The following BPTF variants were observed in gnomAD, a reference collection of about 807,000 sequenced individuals.
BPTF encodes the protein bromodomain PHD finger transcription factor.
Under a neutral mutation model 292.5 loss-of-function variants are expected in BPTF, and 18 were observed. The ratio of observed to expected loss-of-function variants is 0.06; its 90% CI spans 0.04 to 0.09. The LOEUF is 0.09. Ranked by LOEUF, BPTF falls within the 10% of genes least tolerant of loss-of-function variation. The probability of loss-of-function intolerance (pLI) is 1.00; values close to 1 mark genes in which losing one functional copy is unlikely to be tolerated. For synonymous variants in BPTF, 1,225 were observed against 1,251.9 expected (o/e 0.98, Z 0.45); for missense variants, 2,726 against 3,498.7 (o/e 0.78, Z 5.57).
At position 67,959,652 on chromosome 17, in the gene BPTF, C is replaced by T; in HGVS notation, c.8038C>T (p.Pro2680Ser). 1.2e-6 allele frequency: 2 copies of T among 1,609,608 alleles called. No individual in the cohort carries two copies. The highest frequency in any genetic ancestry group is 8.5e-7 in the Non-Finnish European group (1 of 1,178,114). ...CPPVTPAPPA[P>S]PAPPPSPPPP... is the part of the protein sequence containing the mutation. ...CCCAGTGACACCAGCTCCTCCAGCCCCTCCAGCCCCTCCACCTTCACCTCC... is the reference window on the plus strand; with the variant it reads ...CCCAGTGACACCAGCTCCTCCAGCCTCTCCAGCCCCTCCACCTTCACCTCC... Residue 2680 changes from proline (P) to serine (S), a missense_variant, in exon 24 of 28, where the codon CCT becomes TCT. Physicochemically the swap from Pro to Ser is moderately conservative, Grantham distance 74. Coordinates refer to ENST00000306378, the MANE Select transcript of BPTF (RefSeq NM_182641.4).
At chr17:67,871,314 C>T (rs986426411) in intron 3 of BPTF, among the ~76,000 whole-genome samples, 15 of 151,702 alleles carry the variant, frequency 9.9e-5, no homozygotes, top group African/African-American at 3.6e-4. Flanking sequence ...TGGTGGTGCA[C>T]GCCTGCAATC....
chr17:67,895,094 GT>G (rs2061352596), intron 7 of BPTF, among the ~76,000 whole-genome samples: 1 of 152,064 alleles, frequency 6.6e-6, no homozygotes, highest in Non-Finnish European at 1.5e-5. Flanking sequence ...TAGCCCTATA[GT>G]TTTTAAAATA....
intron 1 of BPTF, among the ~76,000 whole-genome samples, chr17:67,829,900 G>A (rs1034287334): frequency 1.3e-5 from 2 of 152,204 alleles, no homozygotes; most frequent in Non-Finnish European, 2.9e-5. Context: ...AAAGACATTA[G>A]TTGACATTAC....
chr17:67,886,883 C>T (rs1269035510), intron 4 of BPTF, among the ~76,000 whole-genome samples: 1 of 152,090 alleles, frequency 6.6e-6, no homozygotes, highest in Non-Finnish European at 1.5e-5. Flanking sequence ...TACTATTTCT[C>T]TATTAATGGA....
chr17:67,852,177 A>G (rs2058447226), intron 1 of BPTF, among the ~76,000 whole-genome samples: 1 of 152,136 alleles, frequency 6.6e-6, no homozygotes, highest in Non-Finnish European at 1.5e-5. Context: ...ATTTAGTATA[A>G]TGACGTTGTA....
chr17:67,981,530 A>G, intron 27 of BPTF: 8 of 1,113,964 alleles, frequency 7.2e-6, no homozygotes, highest in Non-Finnish European at 8.9e-6. Flanking sequence ...ACCTAATTCA[A>G]AATTGCCCCC....
chr17:67,872,673 T>C (rs1438675687), intron 3 of BPTF, among the ~76,000 whole-genome samples: 1 of 151,800 alleles, frequency 6.6e-6, no homozygotes, highest in Non-Finnish European at 1.5e-5. Context: ...GCCACTGCAC[T>C]CCAGCCTGGG....
chr17:67,878,882 A>T (rs62084249), intron 4 of BPTF, among the ~76,000 whole-genome samples: 8 of 151,980 alleles, frequency 5.3e-5, no homozygotes, highest in African/African-American at 1.7e-4. Context: ...ACCTAATCTC[A>T]TGTTCCTGGG....
chr17:67,921,621 C>T (rs531351972), intron 13 of BPTF, among the ~76,000 whole-genome samples: 107 of 152,264 alleles, frequency 7.0e-4, no homozygotes, highest in African/African-American at 2.5e-3. Flanking sequence ...CAAATGTATA[C>T]AATTAATTTT....
At chr17:67,831,752 C>T (rs1311376111) in intron 1 of BPTF, among the ~76,000 whole-genome samples, 1 of 152,136 alleles carries the variant, frequency 6.6e-6, no homozygotes, top group East Asian at 1.9e-4. Context: ...CCTTCCTGCT[C>T]CTTAGCCAGG....
intron 19 of BPTF, among the ~76,000 whole-genome samples, chr17:67,941,613 T>A (rs1555671989): frequency 6.6e-6 from 1 of 152,174 alleles, no homozygotes; most frequent in African/African-American, 2.4e-5. Flanking sequence ...TTGCAGATCA[T>A]TGAGGAAGAG....
intron 7 of BPTF, among the ~76,000 whole-genome samples, chr17:67,896,524 A>G: frequency 6.6e-6 from 1 of 152,238 alleles, no homozygotes; most frequent in Non-Finnish European, 1.5e-5. Context: ...TTAAAAAGAA[A>G]AAACAGTTCC....
intron 9 of BPTF, among the ~76,000 whole-genome samples, chr17:67,908,098 A>ATG (rs746362525): frequency 2.0e-4 from 31 of 152,304 alleles, no homozygotes; most frequent in Non-Finnish European, 3.5e-4. Flanking sequence ...AACCACTGAT[A>ATG]TGGGCTTTCT....
chr17:67,860,984 C>T (rs942742115), intron 2 of BPTF, among the ~76,000 whole-genome samples: 6 of 152,220 alleles, frequency 3.9e-5, no homozygotes, highest in Non-Finnish European at 5.9e-5. Context: ...CTTCCCGTGC[C>T]TGAATTCCTT....
chr17:67,855,259 C>T lies in BPTF; in HGVS notation c.1436+497C>T, dbSNP rs185740750. Reference sequence around the variant, plus strand: ...GGGGCTGCAGTGAGCTGAGATCACACCACTGCATTCCAGCCTGGGTGACAG... The same window carrying T: ...GGGGCTGCAGTGAGCTGAGATCACATCACTGCATTCCAGCCTGGGTGACAG... On this transcript the variant is annotated intron_variant, in intron 2 of 27. Coordinates refer to ENST00000306378, the MANE Select transcript of BPTF (RefSeq NM_182641.4). Among the ~76,000 whole-genome samples the T allele has an allele frequency of 2.6e-5, 4 of 152,220 alleles. No individual in the cohort carries two copies. The East Asian group carries it at 7.7e-4, about 29-fold the overall frequency.
chr17:67,877,013 C>T (rs1470535196), intron 4 of BPTF, among the ~76,000 whole-genome samples: 1 of 152,094 alleles, frequency 6.6e-6, no homozygotes, highest in Non-Finnish European at 1.5e-5. Context: ...ACTCATAGTT[C>T]TCTTCTTGAG....
chr17:67,894,193 A>T (rs1250563583), intron 7 of BPTF, 28 bp downstream of exon 7: 1 of 1,610,996 alleles, frequency 6.2e-7, no homozygotes, highest in Non-Finnish European at 8.5e-7. Context: ...CTTGTAAATG[A>T]TGAGTATTGG....
intron 11 of BPTF, among the ~76,000 whole-genome samples, chr17:67,916,434 A>T (rs1252419092): frequency 6.6e-6 from 1 of 152,054 alleles, no homozygotes; most frequent in Non-Finnish European, 1.5e-5. Context: ...TACTAAATAT[A>T]CAAAAATGAG....
rs58205471 is a variant in BPTF at position 67,879,136 on chromosome 17, CTT to C, written c.1864+4132_1864+4133del. Among the ~76,000 whole-genome samples, 226 of 118,990 alleles carry C rather than the reference CTT, an allele frequency of 1.9e-3. 1 individual carries two copies. The highest frequency in any genetic ancestry group is 6.3e-3 in the African/African-American group (209 of 33,188). 78.1% of individuals were successfully genotyped at this position (118,990 alleles called of 152,430 possible). The stretch of plus-strand genomic sequence containing the variant: ...TTTGTGGGGCTGTTGTTAATTATTT[CTT>C]TTTTTTTTTTTTTTTCTTTTTGAGA... On this transcript the variant is annotated intron_variant, in intron 4 of 27. Coordinates refer to ENST00000306378, the MANE Select transcript of BPTF (RefSeq NM_182641.4).
Sources: gnomAD v4.1 joint callset for allele counts (sites outside exome capture counted in the v4.1 genomes callset) on GRCh38, gnomAD v4.1.1 for gene constraint, MANE v1.5 for transcripts, NCBI Gene and HGNC (gene_info 2026-07-23, HGNC 2026-07-21) for gene names.